Variants in CCL11 observed in about 807,000 individuals in gnomAD.
CCL11 encodes the protein eotaxin.
CCL11 carries 7 observed loss-of-function variants against 7.3 expected under a neutral mutation model. That is an observed-to-expected ratio of 0.96 (90% confidence interval 0.55 to 1.81). The LOEUF (loss-of-function observed/expected upper bound fraction) is 1.81. Among genes scored for constraint, CCL11 ranks in the 40% most tolerant of loss-of-function variants. The pLI is 0.00. For missense variants in CCL11, 132 were observed against 114.2 expected, an observed-to-expected ratio of 1.16 and a Z score of -0.71; for synonymous variants, 66 against 45.2, an observed-to-expected ratio of 1.46 and a Z score of -1.84.
Position 34,287,734 on chromosome 17 carries a change from T to A in CCL11, c.*44T>A. ...ACCAAACCAGAGCCTGAGTGTTGCC[T>A]AATTTGTTTTCCCTTCTTACAATGC... On this transcript the variant is annotated 3_prime_UTR_variant, in exon 3 of 3. Transcript: ENST00000305869. 7.4e-7 allele frequency: 1 copy of A among 1,342,744 alleles called. No homozygotes were observed. Among genetic ancestry groups the A allele is most frequent in the South Asian group, 1.2e-5 (1 of 84,098 alleles). 83.2% of individuals were successfully genotyped at this position (1,342,744 alleles called of 1,614,324 possible). A position where few individuals can be genotyped will look rare whatever the true frequency, so the allele number is the denominator to read the frequency against.
At chr17:34,286,515 G>A (rs1597594961) in intron 1 of CCL11, among the ~76,000 whole-genome samples, 2 of 152,226 alleles carry the variant, frequency 1.3e-5, no homozygotes, top group Admixed American at 1.3e-4. Context: ...TATCTATAAT[G>A]TATGGGCTCA....
chr17:34,286,873 A>G (rs1908646968), intron 1 of CCL11, among the ~76,000 whole-genome samples: 1 of 152,152 alleles, frequency 6.6e-6, no homozygotes, highest in African/African-American at 2.4e-5. Flanking sequence ...TTGTCCATAC[A>G]CTCTACAGTA....
Position 34,285,787 on chromosome 17 carries a change from G to A in CCL11, c.-22G>A, listed in dbSNP as rs762429865. 2.5e-6 allele frequency: 4 copies of A among 1,602,124 alleles called. No homozygotes were observed. Among genetic ancestry groups the A allele is most frequent in the Non-Finnish European group, 3.4e-6 (4 of 1,172,932 alleles). ...AGAAACCACCACCTCTCACGCCAAA[G>A]CTCACACCTTCAGCCTCCAACATGA... On this transcript the variant is annotated 5_prime_UTR_variant, in exon 1 of 3. Coordinates refer to ENST00000305869, the MANE Select transcript of CCL11 (RefSeq NM_002986.3).
At position 34,287,833 on chromosome 17, in the gene CCL11, A is replaced by ATTTTT. The variant is rs1908692124; in HGVS notation, c.*143_*144insTTTTT. 8 of 320,194 alleles carry ATTTTT rather than the reference A, an allele frequency of 2.5e-5. No individual in the cohort carries two copies. The highest frequency in any genetic ancestry group is 1.7e-4 in the African/African-American group (8 of 46,412). 19.8% of individuals were successfully genotyped at this position (320,194 alleles called of 1,614,324 possible). On this transcript the variant is annotated 3_prime_UTR_variant, in exon 3 of 3. Transcript: ENST00000305869. ...ATATATATATTTTTTTTTTTAAAAA[A>ATTTTT]AAAACGTATTGCATTTAATTTATTG... is the stretch of plus-strand genomic sequence containing the variant.
In CCL11 at chr17:34,287,172, A is replaced by G. The variant is rs1908658416; in HGVS notation, c.153A>G (p.Arg51=). ...IPLQRLESYR[R]ITSGKCPQKA... ...TTCAGCGACTAGAGAGCTACAGGAG[A>G]ATCACCAGTGGCAAATGTCCCCAGA... Residue 51 remains arginine, a synonymous_variant, in exon 2 of 3, where the codon AGA becomes AGG. Coordinates refer to ENST00000305869, the MANE Select transcript of CCL11 (RefSeq NM_002986.3). The G allele has an allele frequency of 3.1e-6, 5 of 1,613,852 alleles. No homozygotes were observed. The highest frequency in any genetic ancestry group is 4.2e-6 in the Non-Finnish European group (5 of 1,179,872).
At position 34,287,753 on chromosome 17, in the gene CCL11, A is replaced by G; in HGVS notation, c.*63A>G. ...GTTGCCTAATTTGTTTTCCCTTCTT[A>G]CAATGCATTCTGAGGTAACCTCATT... On this transcript the variant is annotated 3_prime_UTR_variant, in exon 3 of 3. Coordinates refer to ENST00000305869, the MANE Select transcript of CCL11 (RefSeq NM_002986.3). The G allele has an allele frequency of 9.8e-7, 1 of 1,024,394 alleles. No individual in the cohort carries two copies. The highest frequency in any genetic ancestry group is 1.5e-6 in the Non-Finnish European group (1 of 654,702). 63.5% of individuals were successfully genotyped at this position (1,024,394 alleles called of 1,614,324 possible).
At position 34,285,963 on chromosome 17, in the gene CCL11, T is replaced by G. The variant is rs41432444; in HGVS notation, c.76+79T>G. 1.5e-3 allele frequency: 1,397 copies of G among 928,548 alleles called. 18 individuals are homozygous for G. In the African/African-American group the frequency reaches 0.019, roughly 13 times the overall value. The allele number at this position is 928,548 out of a possible 1,614,324, so 57.5% of individuals were successfully genotyped here. A position where few individuals can be genotyped will look rare whatever the true frequency, so the allele number is the denominator to read the frequency against. Reference sequence around the variant, plus strand: ...TAGGTCAGCAAGAATCTTTACAGACTCACTGCAAATTCTCCATTTGAAAAA... The same window carrying G: ...TAGGTCAGCAAGAATCTTTACAGACGCACTGCAAATTCTCCATTTGAAAAA... On this transcript the variant is annotated intron_variant, in intron 1 of 2. Coordinates refer to ENST00000305869, the MANE Select transcript of CCL11 (RefSeq NM_002986.3).
At chr17:34,287,073 C>T (rs201374252) in intron 1 of CCL11, 23 bp from the exon 2 acceptor site, 1 of 1,522,142 alleles carries the variant, frequency 6.6e-7, no homozygotes, top group Non-Finnish European at 9.1e-7. Context: ...TTTCTCTGTT[C>T]ATTTTTTTTC....
chr17:34,285,899 T>G lies in CCL11; in HGVS notation c.76+15T>G. ...CGCTGGGCCAGGTAAGCCCCCCAAC[T>G]CCTTACAGGAAAGGTAAGGTAACCA... On this transcript the variant is annotated intron_variant, in intron 1 of 2. Coordinates refer to ENST00000305869, the MANE Select transcript of CCL11 (RefSeq NM_002986.3). 1 of 1,590,562 alleles carries G rather than the reference T, an allele frequency of 6.3e-7. No homozygotes were observed. Among genetic ancestry groups the G allele is most frequent in the South Asian group, 1.1e-5 (1 of 89,284 alleles).
At chr17:34,287,232 C>T (rs1175938128) in intron 2 of CCL11, 25 bp downstream of exon 2, 2 of 1,517,918 alleles carry the variant, frequency 1.3e-6, no homozygotes, top group South Asian at 1.1e-5. Flanking sequence ...TTCACCCTCC[C>T]CTAGACAAAA....
At chr17:34,287,481 G>T in intron 2 of CCL11, 104 bp from the exon 3 acceptor site, 2 of 810,774 alleles carry the variant, frequency 2.5e-6, no homozygotes, top group South Asian at 3.0e-5. Context: ...CCTCCTCTCC[G>T]TAGCAACCCT....
At chr17:34,285,997 C>A in intron 1 of CCL11, 113 bp downstream of exon 1, 7 of 729,712 alleles carry the variant, frequency 9.6e-6, no homozygotes, top group Non-Finnish European at 1.6e-5. Context: ...AATAGGGAAA[C>A]AGGTTTTGTG....
intron 1 of CCL11, among the ~76,000 whole-genome samples, chr17:34,286,449 A>G (rs1041699710): frequency 6.6e-6 from 1 of 152,198 alleles, no homozygotes; most frequent in Non-Finnish European, 1.5e-5. Flanking sequence ...CTAAATTATC[A>G]ATGACTTAAC....
Position 34,285,789 on chromosome 17 carries a change from TCACA to T in CCL11, c.-18_-15del. ...AAACCACCACCTCTCACGCCAAAGC[TCACA>T]CCTTCAGCCTCCAACATGAAGGTCT... On this transcript the variant is annotated 5_prime_UTR_variant, in exon 1 of 3. Coordinates refer to ENST00000305869, the MANE Select transcript of CCL11 (RefSeq NM_002986.3). 1 of 1,603,260 alleles carries T rather than the reference TCACA, an allele frequency of 6.2e-7. No individual in the cohort carries two copies. The highest frequency in any genetic ancestry group is 8.5e-7 in the Non-Finnish European group (1 of 1,173,492).
rs542500214 is a variant in CCL11 at position 34,288,140 on chromosome 17, T to C, written c.*450T>C. ...GTGCATATTTTATTATAGTCACTAG[T>C]TGTAATTTTTTTGTGGGAAATCCAC... On this transcript the variant is annotated 3_prime_UTR_variant, in exon 3 of 3. Coordinates refer to ENST00000305869, the MANE Select transcript of CCL11 (RefSeq NM_002986.3). 4.6e-5 allele frequency: 7 copies of C among 152,622 alleles called. No homozygotes were observed. Among genetic ancestry groups the C allele is most frequent in the Admixed American group, 2.6e-4 (4 of 15,268 alleles). The allele number at this position is 152,622 out of a possible 1,614,324, so 9.5% of individuals were successfully genotyped here.
Position 34,287,178 on chromosome 17 carries a change from C to T in CCL11, c.159C>T (p.Thr53=). ...LQRLESYRRI[T]SGKCPQKAVI... ...GACTAGAGAGCTACAGGAGAATCAC[C>T]AGTGGCAAATGTCCCCAGAAAGCTG... Residue 53 remains threonine (T), a synonymous_variant, in exon 2 of 3, where the codon ACC becomes ACT. Transcript: ENST00000305869. The T allele has an allele frequency of 1.2e-6, 2 of 1,613,786 alleles. No homozygotes were observed. The highest frequency in any genetic ancestry group is 1.7e-6 in the Non-Finnish European group (2 of 1,179,742).
chr17:34,286,553 T>C (rs958949776), intron 1 of CCL11, among the ~76,000 whole-genome samples: 1 of 152,242 alleles, frequency 6.6e-6, no homozygotes, highest in Non-Finnish European at 1.5e-5. Context: ...CTCAGGATTC[T>C]AGACTGATGG....
At chr17:34,287,487 A>G in intron 2 of CCL11, 98 bp from the exon 3 acceptor site, 3 of 848,752 alleles carry the variant, frequency 3.5e-6, no homozygotes, top group Non-Finnish European at 5.9e-6. Flanking sequence ...CTCCGTAGCA[A>G]CCCTTTGTCC....
rs201160159 is a variant in CCL11, at chr17:34,287,745, C to A, written c.*55C>A. 2 of 1,198,306 alleles carry A rather than the reference C, an allele frequency of 1.7e-6. 1 individual carries two copies. The highest frequency in any genetic ancestry group is 2.5e-5 in the South Asian group (2 of 80,320). 74.2% of individuals were successfully genotyped at this position (1,198,306 alleles called of 1,614,324 possible). A position where few individuals can be genotyped will look rare whatever the true frequency, so the allele number is the denominator to read the frequency against. The stretch of plus-strand genomic sequence containing the variant: ...GCCTGAGTGTTGCCTAATTTGTTTT[C>A]CCTTCTTACAATGCATTCTGAGGTA... On this transcript the variant is annotated 3_prime_UTR_variant, in exon 3 of 3. Coordinates refer to ENST00000305869, the MANE Select transcript of CCL11 (RefSeq NM_002986.3).
Sources: gnomAD v4.1 joint callset for allele counts (sites outside exome capture counted in the v4.1 genomes callset) on GRCh38, gnomAD v4.1.1 for gene constraint, MANE v1.5 for transcripts, NCBI Gene and HGNC (gene_info 2026-07-23, HGNC 2026-07-21) for gene names.